The following RAB27B variants were observed in gnomAD, a reference collection of about 807,000 sequenced individuals.
The protein encoded by RAB27B is RAB27B, member RAS oncogene family.
A neutral mutation model predicts 24.6 loss-of-function variants in RAB27B; 15 were observed. The observed-to-expected ratio is 0.61, with a 90% confidence interval of 0.41 to 0.94. The LOEUF is 0.94. Ranked by LOEUF, RAB27B falls within the 40% of genes least tolerant of loss-of-function variation. The pLI is 0.00. For missense variants in RAB27B, 261 were observed against 266.8 expected, an observed-to-expected ratio of 0.98 and a Z score of 0.15; for synonymous variants, 105 against 92.5, an observed-to-expected ratio of 1.14 and a Z score of -0.78.
At chr18:54,833,028 G>A (rs1378917658) in intron 1 of RAB27B, among the ~76,000 whole-genome samples, 2 of 152,102 alleles carry the variant, frequency 1.3e-5, no homozygotes, top group Admixed American at 6.6e-5. Flanking sequence ...TAGAACAGAT[G>A]AATAAAGGAA....
At chr18:54,851,354 G>A (rs1166559017) in intron 1 of RAB27B, among the ~76,000 whole-genome samples, 1 of 152,136 alleles carries the variant, frequency 6.6e-6, no homozygotes, top group African/African-American at 2.4e-5. Flanking sequence ...GTGTACAGTA[G>A]AAACATATTT....
At chr18:54,758,124 G>T (rs2145045222) in intron 2 of RAB27B, among the ~76,000 whole-genome samples, 1 of 152,134 alleles carries the variant, frequency 6.6e-6, no homozygotes, top group East Asian at 1.9e-4. Context: ...TCTAGACAAT[G>T]TGTTGCCCTC....
chr18:54,757,996 G>A (rs1232010122), intron 2 of RAB27B, among the ~76,000 whole-genome samples: 1 of 151,924 alleles, frequency 6.6e-6, no homozygotes, highest in Non-Finnish European at 1.5e-5. Context: ...TTTTTGAGAT[G>A]GAGTTTCACT....
chr18:54,793,226 TG>T (rs1346818231), intron 2 of RAB27B, among the ~76,000 whole-genome samples: 2 of 152,284 alleles, frequency 1.3e-5, no homozygotes, highest in African/African-American at 4.8e-5. Flanking sequence ...GAATTCTCCT[TG>T]GGCCTTTGAA....
At chr18:54,740,007 T>C (rs1427639256) in intron 2 of RAB27B, among the ~76,000 whole-genome samples, 11 of 152,244 alleles carry the variant, frequency 7.2e-5, no homozygotes, top group Non-Finnish European at 1.5e-5. Context: ...AAGATATATG[T>C]ATTGCAAATA....
chr18:54,783,763 C>A (rs1005044680), intron 2 of RAB27B, among the ~76,000 whole-genome samples: 9 of 152,100 alleles, frequency 5.9e-5, no homozygotes, highest in Admixed American at 5.9e-4. Flanking sequence ...TTCATTCTTC[C>A]CTCTCCGTGG....
chr18:54,792,892 G>A (rs543019157), intron 2 of RAB27B, among the ~76,000 whole-genome samples: 5 of 152,236 alleles, frequency 3.3e-5, no homozygotes, highest in South Asian at 4.2e-4. Flanking sequence ...TAATACAGTC[G>A]TTCCTCAGTT....
chr18:54,780,039 A>C (rs1279512253), intron 2 of RAB27B, among the ~76,000 whole-genome samples: 1 of 125,054 alleles, frequency 8.0e-6, no homozygotes, highest in African/African-American at 3.3e-5. Flanking sequence ...CTTCCCCATC[A>C]CCGTGTCTCC....
intron 1 of RAB27B, among the ~76,000 whole-genome samples, chr18:54,839,685 C>G (rs1366058030): frequency 6.6e-6 from 1 of 152,138 alleles, no homozygotes; most frequent in African/African-American, 2.4e-5. Context: ...GAGAGTATAC[C>G]TAAAATCCAA....
chr18:54,841,157 G>GCGGGT (rs1268155860), intron 1 of RAB27B, among the ~76,000 whole-genome samples: 1 of 128,194 alleles, frequency 7.8e-6, no homozygotes, highest in African/African-American at 3.0e-5. Flanking sequence ...TGGGTGGCGG[G>GCGGGT]GCGGTGGGGG....
chr18:54,803,986 G>C (rs922866311), intron 2 of RAB27B, among the ~76,000 whole-genome samples: 2 of 152,096 alleles, frequency 1.3e-5, no homozygotes, highest in African/African-American at 4.8e-5. Context: ...GGGGGAAGGT[G>C]GATAATCAGT....
chr18:54,758,816 A>G (rs999113136), intron 2 of RAB27B, among the ~76,000 whole-genome samples: 2 of 152,016 alleles, frequency 1.3e-5, no homozygotes, highest in Non-Finnish European at 2.9e-5. Context: ...TGCCAGACCA[A>G]CAAACAGGAG....
At chr18:54,807,622 T>C (rs566195934) in intron 2 of RAB27B, among the ~76,000 whole-genome samples, 3 of 152,190 alleles carry the variant, frequency 2.0e-5, no homozygotes, top group Non-Finnish European at 4.4e-5. Flanking sequence ...AGTGAATATT[T>C]ATAAGGAATG....
intron 2 of RAB27B, among the ~76,000 whole-genome samples, chr18:54,772,177 T>C (rs1416984165): frequency 6.6e-6 from 1 of 152,226 alleles, no homozygotes; most frequent in Non-Finnish European, 1.5e-5. Flanking sequence ...AGGTCCTGGA[T>C]AGGGACTGCT....
At chr18:54,777,659 A>G (rs1908759023) in intron 2 of RAB27B, among the ~76,000 whole-genome samples, 1 of 152,198 alleles carries the variant, frequency 6.6e-6, no homozygotes, top group Non-Finnish European at 1.5e-5. Context: ...CTTTAGGGTG[A>G]CTGTATTTAA....
chr18:54,842,981 A>G (rs547572193), intron 1 of RAB27B, among the ~76,000 whole-genome samples: 1 of 152,244 alleles, frequency 6.6e-6, no homozygotes, highest in South Asian at 2.1e-4. Context: ...ATTTTTTAGT[A>G]GAGACGGTGT....
intron 2 of RAB27B, among the ~76,000 whole-genome samples, chr18:54,731,690 A>C (rs1909738215): frequency 6.6e-6 from 1 of 151,898 alleles, no homozygotes; most frequent in South Asian, 2.1e-4. Context: ...TAACAACAAC[A>C]AAAAAAGAAA....
At chr18:54,783,053 G>A (rs1289097793) in intron 2 of RAB27B, among the ~76,000 whole-genome samples, 3 of 152,028 alleles carry the variant, frequency 2.0e-5, no homozygotes, top group Admixed American at 6.6e-5. Flanking sequence ...CACTTCCTGG[G>A]TTCAAACGAT....
At chr18:54,866,947 C>G (rs1229429839) in intron 1 of RAB27B, among the ~76,000 whole-genome samples, 1 of 152,110 alleles carries the variant, frequency 6.6e-6, no homozygotes, top group Non-Finnish European at 1.5e-5. Context: ...GTGAAACAGT[C>G]CTTCATCCCC....
Sources: gnomAD v4.1 joint callset for allele counts (sites outside exome capture counted in the v4.1 genomes callset) on GRCh38, gnomAD v4.1.1 for gene constraint, MANE v1.5 for transcripts, NCBI Gene and HGNC (gene_info 2026-07-23, HGNC 2026-07-21) for gene names.